SEZ6L: variants seen among roughly 807,000 people sequenced by gnomAD.
The protein encoded by SEZ6L is seizure related 6 homolog like.
Under a neutral mutation model 106.2 loss-of-function variants are expected in SEZ6L, and 37 were observed. The ratio of observed to expected loss-of-function variants is 0.35; its 90% confidence interval spans 0.27 to 0.46. SEZ6L has a LOEUF of 0.46. Ranked by LOEUF, SEZ6L falls within the 20% of genes least tolerant of loss-of-function variation. The probability of loss-of-function intolerance (pLI) is 1.00; values close to 1 mark genes in which losing one functional copy is unlikely to be tolerated. For synonymous variants in SEZ6L, 541 were observed against 570.4 expected (o/e 0.95, Z 0.73); for missense variants, 1,172 against 1,332.8 (o/e 0.88, Z 1.88).
chr22:26,326,298 C>G (rs1019929053), intron 9 of SEZ6L, among the ~76,000 whole-genome samples: 3 of 152,196 alleles, frequency 2.0e-5, no homozygotes, highest in African/African-American at 7.2e-5. Context: ...CTTAGGGAGA[C>G]ACGACTGCTT....
intron 1 of SEZ6L, among the ~76,000 whole-genome samples, chr22:26,203,489 A>C (rs944319878): frequency 6.6e-6 from 1 of 151,974 alleles, no homozygotes; most frequent in African/African-American, 2.4e-5. Flanking sequence ...TGTAGGTACA[A>C]GCTTCTTGAA....
intron 1 of SEZ6L, among the ~76,000 whole-genome samples, chr22:26,189,897 A>G (rs1365314064): frequency 6.6e-6 from 1 of 152,100 alleles, no homozygotes; most frequent in Non-Finnish European, 1.5e-5. Context: ...GGAGATCGAG[A>G]CCATCCTGGC....
rs563297427 is a variant in SEZ6L, at chr22:26,383,493, G to C, written c.*3198G>C. ...GGGAAATTTTCATTTCCATTTTATC[G>C]CCAAACAAAATAAAAAGCAAAACAA... On this transcript the variant is annotated 3_prime_UTR_variant, in exon 17 of 17. Coordinates refer to ENST00000248933, the MANE Select transcript of SEZ6L (RefSeq NM_021115.5). 2.0e-4 allele frequency: 30 copies of C among 152,062 alleles called. No homozygotes were observed. Among genetic ancestry groups the C allele is most frequent in the African/African-American group, 7.2e-4 (30 of 41,482 alleles). The allele number at this position is 152,062 out of a possible 1,614,324, so 9.4% of individuals were successfully genotyped here. A position where few individuals can be genotyped will look rare whatever the true frequency, so the allele number is the denominator to read the frequency against.
At chr22:26,219,322 A>G (rs577572662) in intron 1 of SEZ6L, among the ~76,000 whole-genome samples, 1 of 147,582 alleles carries the variant, frequency 6.8e-6, no homozygotes, top group East Asian at 2.0e-4. Flanking sequence ...ACAACCCCAC[A>G]ATGACAAAAA....
At chr22:26,326,981 G>A (rs1194036644) in intron 9 of SEZ6L, among the ~76,000 whole-genome samples, 1 of 152,194 alleles carries the variant, frequency 6.6e-6, no homozygotes, top group South Asian at 2.1e-4. Flanking sequence ...GCCCCTGTGT[G>A]GAGTTTCCTG....
intron 1 of SEZ6L, among the ~76,000 whole-genome samples, chr22:26,174,044 A>T (rs189472175): frequency 6.6e-6 from 1 of 152,266 alleles, no homozygotes; most frequent in African/African-American, 2.4e-5. Flanking sequence ...TGGGTGCTGG[A>T]GTACTATAAT....
chr22:26,225,305 C>A (rs2078603938), intron 1 of SEZ6L, among the ~76,000 whole-genome samples: 1 of 152,166 alleles, frequency 6.6e-6, no homozygotes, highest in Admixed American at 6.5e-5. Context: ...CTTGCCTCCC[C>A]CTAATCAATG....
chr22:26,375,698 C>G lies in SEZ6L; in HGVS notation c.2942+9C>G. 3 of 1,601,366 alleles carry G rather than the reference C, an allele frequency of 1.9e-6. No homozygotes were observed. Among genetic ancestry groups the G allele is most frequent in the Non-Finnish European group, 2.6e-6 (3 of 1,169,978 alleles). On this transcript the variant is annotated intron_variant, in intron 15 of 16. Coordinates refer to ENST00000248933, the MANE Select transcript of SEZ6L (RefSeq NM_021115.5). The stretch of plus-strand genomic sequence containing the variant: ...TACATTTACATCACAAGGTAGGGAG[C>G]TGATGGGGGAGATGACTGCCAAGCA...
chr22:26,302,903 A>G (rs756801782), intron 5 of SEZ6L, among the ~76,000 whole-genome samples: 1 of 152,208 alleles, frequency 6.6e-6, no homozygotes, highest in Non-Finnish European at 1.5e-5. Context: ...GCCCCCCACC[A>G]GGGACAGTGT....
intron 6 of SEZ6L, among the ~76,000 whole-genome samples, chr22:26,309,941 A>C (rs957446883): frequency 5.3e-5 from 8 of 152,172 alleles, no homozygotes; most frequent in African/African-American, 1.9e-4. Context: ...AGAGAAGTGA[A>C]GTGTTCTTGT....
At chr22:26,259,542 C>T (rs998294593) in intron 1 of SEZ6L, among the ~76,000 whole-genome samples, 8 of 152,036 alleles carry the variant, frequency 5.3e-5, no homozygotes, top group Non-Finnish European at 1.2e-4. Context: ...ATTGAAACAA[C>T]AGGAAAGATC....
chr22:26,258,304 C>T (rs1034802114), intron 1 of SEZ6L, among the ~76,000 whole-genome samples: 2 of 152,196 alleles, frequency 1.3e-5, no homozygotes, highest in African/African-American at 4.8e-5. Context: ...AGCTCATACT[C>T]ACATAGCATG....
intron 1 of SEZ6L, 198 bp from the exon 2 acceptor site, chr22:26,292,208 G>A: frequency 1.9e-6 from 1 of 519,412 alleles, no homozygotes. Flanking sequence ...GGAAAAGAAG[G>A]AAGAAAAGAG....
chr22:26,357,952 C>T (rs1202174654), intron 12 of SEZ6L, among the ~76,000 whole-genome samples: 1 of 152,180 alleles, frequency 6.6e-6, no homozygotes, highest in African/African-American at 2.4e-5. Flanking sequence ...GCTTAAGAGA[C>T]AGCGATTCCC....
intron 4 of SEZ6L, among the ~76,000 whole-genome samples, chr22:26,297,774 A>G (rs528502059): frequency 2.0e-4 from 27 of 137,044 alleles, no homozygotes; most frequent in Admixed American, 1.8e-3. Flanking sequence ...TGCTTGTTTT[A>G]TTTCTTCATT....
At chr22:26,238,776 GGTTCATGCA>G (rs1400998411) in intron 1 of SEZ6L, among the ~76,000 whole-genome samples, 1 of 152,202 alleles carries the variant, frequency 6.6e-6, no homozygotes, top group Non-Finnish European at 1.5e-5. Flanking sequence ...ACTTGACTGA[GGTTCATGCA>G]GTTAGGAAGG....
chr22:26,198,467 A>G (rs1414085467), intron 1 of SEZ6L, among the ~76,000 whole-genome samples: 1 of 152,258 alleles, frequency 6.6e-6, no homozygotes, highest in African/African-American at 2.4e-5. Context: ...AATGGGGACA[A>G]CAAGCATAAA....
intron 1 of SEZ6L, among the ~76,000 whole-genome samples, chr22:26,277,443 T>A (rs1047356982): frequency 6.6e-6 from 1 of 152,216 alleles, no homozygotes; most frequent in African/African-American, 2.4e-5. Flanking sequence ...GACCGTGGCA[T>A]ATGCCAGAAA....
intron 1 of SEZ6L, among the ~76,000 whole-genome samples, chr22:26,194,986 A>G (rs1940483884): frequency 6.6e-6 from 1 of 152,206 alleles, no homozygotes; most frequent in African/African-American, 2.4e-5. Flanking sequence ...GTTCCTTTTA[A>G]TAACAGTTTT....
Sources: allele counts gnomAD v4.1 joint callset (sites outside exome capture counted in the v4.1 genomes callset), GRCh38; gene constraint gnomAD v4.1.1; transcripts MANE v1.5; gene names NCBI Gene and HGNC (gene_info 2026-07-23, HGNC 2026-07-21).